Variants in BBS9 observed in about 807,000 individuals in gnomAD.
BBS9 encodes the protein Bardet-Biedl syndrome 9, also known as protein PTHB1.
BBS9 carries 89 observed loss-of-function variants against 117.7 expected under a neutral mutation model. The observed-to-expected ratio is 0.76, with a 90% CI of 0.64 to 0.90. BBS9 has a LOEUF of 0.90. Among genes scored for constraint, BBS9 ranks in the 40% least tolerant of loss-of-function variants. The pLI, the probability that BBS9 is intolerant of heterozygous loss-of-function variation, is 0.00. For missense variants in BBS9, 982 were observed against 1,042.2 expected, an observed-to-expected ratio of 0.94 and a Z score of 0.80; for synonymous variants, 379 against 370.9, an observed-to-expected ratio of 1.02 and a Z score of -0.25.
At chr7:33,595,582 C>T (rs569208082) in intron 21 of BBS9, among the ~76,000 whole-genome samples, 11 of 152,084 alleles carry the variant, frequency 7.2e-5, no homozygotes, top group African/African-American at 2.2e-4. Flanking sequence ...TTTACACTGT[C>T]GGTGGGAATG....
intron 17 of BBS9, among the ~76,000 whole-genome samples, chr7:33,378,050 T>G (rs942138535): frequency 6.6e-6 from 1 of 152,216 alleles, no homozygotes. Flanking sequence ...TAGGTAAATT[T>G]TGGCTGCTTG....
intron 19 of BBS9, among the ~76,000 whole-genome samples, chr7:33,396,347 A>G (rs1172019412): frequency 2.6e-5 from 4 of 152,138 alleles, no homozygotes. Flanking sequence ...TATTTTCAAA[A>G]CCGGAATGAT....
chr7:33,576,494 T>C (rs552678694), intron 21 of BBS9, among the ~76,000 whole-genome samples: 19 of 152,266 alleles, frequency 1.2e-4, no homozygotes, highest in Admixed American at 8.5e-4. Context: ...AGGTAATTTA[T>C]AGATTCAATG....
At chr7:33,550,634 T>G (rs1006374680) in intron 21 of BBS9, among the ~76,000 whole-genome samples, 3 of 148,416 alleles carry the variant, frequency 2.0e-5, no homozygotes, top group Admixed American at 2.0e-4. Context: ...TGCCAACCTT[T>G]AAAAAAAAAA....
At chr7:33,213,825 A>G (rs1020269441) in intron 5 of BBS9, among the ~76,000 whole-genome samples, 1 of 151,620 alleles carries the variant, frequency 6.6e-6, no homozygotes, top group Non-Finnish European at 1.5e-5. Context: ...CTGGTGCCCT[A>G]TCCTGCAGTG....
intron 21 of BBS9, among the ~76,000 whole-genome samples, chr7:33,534,931 C>A (rs1360554637): frequency 6.6e-6 from 1 of 152,176 alleles, no homozygotes; most frequent in South Asian, 2.1e-4. Flanking sequence ...ACAGCAAGAA[C>A]CACAGTGTGG....
At chr7:33,329,266 C>T (rs1318337561) in intron 9 of BBS9, among the ~76,000 whole-genome samples, 3 of 152,060 alleles carry the variant, frequency 2.0e-5, no homozygotes, top group African/African-American at 7.2e-5. Flanking sequence ...GGTGATCCAC[C>T]CACCTTGGCC....
At chr7:33,250,708 T>C (rs1373398541) in intron 5 of BBS9, among the ~76,000 whole-genome samples, 1 of 152,214 alleles carries the variant, frequency 6.6e-6, no homozygotes, top group Non-Finnish European at 1.5e-5. Context: ...ACATACTTTG[T>C]ATGCAGAGTG....
At chr7:33,148,724 G>C (rs1217591905) in intron 2 of BBS9, among the ~76,000 whole-genome samples, 1 of 150,098 alleles carries the variant, frequency 6.7e-6, no homozygotes, top group African/African-American at 2.5e-5. Flanking sequence ...GAGTGCAGTG[G>C]CATGATCATG....
At chr7:33,278,706 C>T (rs2074613604) in intron 9 of BBS9, among the ~76,000 whole-genome samples, 1 of 152,046 alleles carries the variant, frequency 6.6e-6, no homozygotes, top group South Asian at 2.1e-4. Context: ...TCGACAGTGC[C>T]TCACCAGCAG....
chr7:33,439,232 C>G (rs1835769380), intron 19 of BBS9, among the ~76,000 whole-genome samples: 1 of 152,112 alleles, frequency 6.6e-6, no homozygotes, highest in Non-Finnish European at 1.5e-5. Flanking sequence ...TATATTTGCT[C>G]TCTCCTTTTG....
intron 21 of BBS9, among the ~76,000 whole-genome samples, chr7:33,575,147 T>C (rs1858582405): frequency 6.6e-6 from 1 of 152,042 alleles, no homozygotes; most frequent in Non-Finnish European, 1.5e-5. Flanking sequence ...AAAAAAGATA[T>C]TCCAACCTCT....
At chr7:33,210,084 A>C (rs1787734131) in intron 5 of BBS9, among the ~76,000 whole-genome samples, 1 of 152,136 alleles carries the variant, frequency 6.6e-6, no homozygotes, top group Non-Finnish European at 1.5e-5. Context: ...GTTTCGGTAC[A>C]TTATGTTTCC....
At chr7:33,610,145 G>C (rs1690979600), downstream of BBS9, among the ~76,000 whole-genome samples, 1 of 152,134 alleles carries the variant, frequency 6.6e-6, no homozygotes, top group Admixed American at 6.6e-5. Context: ...ACAGGAGAGA[G>C]TGAGCGAGCG....
intron 21 of BBS9, among the ~76,000 whole-genome samples, chr7:33,620,195 T>C (rs1355386651): frequency 6.6e-6 from 1 of 151,792 alleles, no homozygotes; most frequent in Non-Finnish European, 1.5e-5. Flanking sequence ...GAGACTAATA[T>C]AAAAACTATA....
intron 6 of BBS9, among the ~76,000 whole-genome samples, chr7:33,258,588 A>G (rs1396713762): frequency 5.3e-5 from 8 of 152,170 alleles, no homozygotes; most frequent in Admixed American, 5.2e-4. Context: ...GTAATAAATA[A>G]AATATTATAT....
intron 20 of BBS9, among the ~76,000 whole-genome samples, chr7:33,529,049 A>C (rs1351334735): frequency 6.6e-6 from 1 of 152,196 alleles, no homozygotes; most frequent in Non-Finnish European, 1.5e-5. Flanking sequence ...TGGTCTCTGG[A>C]TAGCAAGAAG....
At position 33,178,347 on chromosome 7, in the gene BBS9, G is replaced by C. The variant is rs373210399; in HGVS notation, c.442+756G>C. ...GTGAGACTGGGTTCCTCCCACCTTG[G>C]CAGAGGGGTGTCTTTTTCTAATTAG... On this transcript the variant is annotated intron_variant, in intron 5 of 22. Coordinates refer to ENST00000242067, the MANE Select transcript of BBS9 (RefSeq NM_198428.3). Among the ~76,000 whole-genome samples, 7 of 152,274 alleles carry C rather than the reference G, an allele frequency of 4.6e-5. No homozygotes were observed. In the East Asian group the frequency reaches 1.2e-3, roughly 25 times the overall value.
At chr7:33,157,476 A>G (rs1431957006) in intron 4 of BBS9, among the ~76,000 whole-genome samples, 2 of 152,086 alleles carry the variant, frequency 1.3e-5, no homozygotes, top group East Asian at 1.9e-4. Flanking sequence ...TCTGTCTTTC[A>G]TTTCTTCAGC....
Sources: allele counts gnomAD v4.1 joint callset (sites outside exome capture counted in the v4.1 genomes callset), GRCh38; gene constraint gnomAD v4.1.1; transcripts MANE v1.5; gene names NCBI Gene and HGNC (gene_info 2026-07-23, HGNC 2026-07-21).